The following SANBR variants were observed in gnomAD, a reference collection of about 807,000 sequenced individuals.
The protein encoded by SANBR is SANT and BTB domain regulator of class switch recombination.
Under a neutral mutation model 101.8 loss-of-function variants are expected in SANBR, and 77 were observed. That is an observed-to-expected ratio of 0.76 (90% CI 0.63 to 0.91). SANBR has a LOEUF of 0.91. Ranked by LOEUF, SANBR falls within the 40% of genes least tolerant of loss-of-function variation. The pLI, the probability that SANBR is intolerant of heterozygous loss-of-function variation, is 0.00. For missense variants in SANBR, 875 were observed against 853.0 expected, an observed-to-expected ratio of 1.03 and a Z score of -0.32; for synonymous variants, 279 against 274.7, an observed-to-expected ratio of 1.02 and a Z score of -0.15.
intron 11 of SANBR, among the ~76,000 whole-genome samples, chr2:61,096,518 A>G (rs1419922636): frequency 6.6e-6 from 1 of 152,150 alleles, no homozygotes; most frequent in Non-Finnish European, 1.5e-5. Flanking sequence ...GGTCTTCCCC[A>G]TCGCAAGCAG....
chr2:61,092,887 A>C (rs1307867859), intron 11 of SANBR, among the ~76,000 whole-genome samples: 1 of 152,052 alleles, frequency 6.6e-6, no homozygotes, highest in Non-Finnish European at 1.5e-5. Flanking sequence ...TAATTCCAGC[A>C]CTTTGGGAGG....
chr2:61,136,554 G>A (rs184986616), intron 21 of SANBR, among the ~76,000 whole-genome samples: 15 of 151,998 alleles, frequency 9.9e-5, no homozygotes, highest in African/African-American at 1.9e-4. Context: ...ACTTGAACCC[G>A]GGAGGCAGAG....
At chr2:61,098,794 C>A (rs1683155451) in intron 12 of SANBR, among the ~76,000 whole-genome samples, 1 of 152,156 alleles carries the variant, frequency 6.6e-6, no homozygotes, top group African/African-American at 2.4e-5. Flanking sequence ...CAAAGATGTG[C>A]TATACACTGT....
intron 16 of SANBR, among the ~76,000 whole-genome samples, chr2:61,109,677 G>GTTTTTTT (rs1363427197): frequency 7.3e-5 from 8 of 109,492 alleles, no homozygotes; most frequent in African/African-American, 1.0e-4. Flanking sequence ...TTTTTTTTGT[G>GTTTTTTT]TTTGTTTTTT....
At chr2:61,073,413 A>G in intron 4 of SANBR, 45 bp from the exon 5 acceptor site, 1 of 960,120 alleles carries the variant, frequency 1.0e-6, no homozygotes, top group Non-Finnish European at 1.6e-6. Flanking sequence ...AGAAACACTA[A>G]CCCCCACCTT....
chr2:61,074,937 C>G (rs574738733), intron 5 of SANBR: 16 of 150,728 alleles, frequency 1.1e-4, no homozygotes, highest in African/African-American at 3.4e-4. Flanking sequence ...GATTATAATC[C>G]TTTTTCTGGT....
chr2:61,131,486 AGAAAACATTCT>A lies in SANBR; in HGVS notation c.2029-2640_2029-2630del, dbSNP rs1418817272. Among the ~76,000 whole-genome samples, 3 of 152,292 alleles carry A rather than the reference AGAAAACATTCT, an allele frequency of 2.0e-5. No individual in the cohort carries two copies. The East Asian group carries it at 5.8e-4, about 29-fold the overall frequency. On this transcript the variant is annotated intron_variant, in intron 20 of 21. Transcript: ENST00000295031. ...TAATGATAAATTTAACAAAAGAAAC[AGAAAACATTCT>A]GAAAACATTCAAATAAAATATTGTT...
At position 61,112,106 on chromosome 2, in the gene SANBR, C is replaced by T. The variant is rs138536265; in HGVS notation, c.1744+2810C>T. On this transcript the variant is annotated intron_variant, in intron 16 of 21. Coordinates refer to ENST00000402291, the MANE Select transcript of SANBR (RefSeq NM_001129993.3). ...GATCATATGGTAAGTGTATGTTTCA[C>T]TTTATAAGAAACTGCCAAATTGTTT... Among the ~76,000 whole-genome samples, 260 of 152,224 alleles carry T rather than the reference C, an allele frequency of 1.7e-3. 1 individual carries two copies. Among genetic ancestry groups the T allele is most frequent in the African/African-American group, 6.2e-3 (256 of 41,524 alleles).
At chr2:61,071,549 CAAAA>C (rs200693095) in intron 3 of SANBR, 53 bp from the exon 4 acceptor site, 178 of 943,134 alleles carry the variant, frequency 1.9e-4, no homozygotes, top group South Asian at 2.2e-4. Context: ...GACTCCGTCT[CAAAA>C]AAAAAAAAAA....
At chr2:61,129,213 G>A (rs577904178), downstream of SANBR, among the ~76,000 whole-genome samples, 1 of 152,250 alleles carries the variant, frequency 6.6e-6, no homozygotes. Flanking sequence ...GGAAGCCAAG[G>A]CAGGTGGGTC....
At position 61,086,222 on chromosome 2, in the gene SANBR, G is replaced by A. The variant is rs558888563; in HGVS notation, c.891-1937G>A. On this transcript the variant is annotated intron_variant, in intron 8 of 21. Coordinates refer to ENST00000402291, the MANE Select transcript of SANBR (RefSeq NM_001129993.3). ...TCAGTCACCCAAGCTGGAGGGTAGT[G>A]GTACAGCCATGGCTTACTGCGGCCT... 5.3e-5 allele frequency among the ~76,000 whole-genome samples: 8 copies of A among 151,984 alleles called. No homozygotes were observed. In the South Asian group the frequency reaches 1.7e-3, roughly 32 times the overall value.
chr2:61,123,577 A>C lies in SANBR; in HGVS notation c.*1415A>C. On this transcript the variant is annotated 3_prime_UTR_variant, in exon 22 of 22. Transcript: ENST00000402291. ...CATATTATATGTAAGTACTCTGTTA[A>C]ATACCAGAGTTTTTTTTGTAGTTTA... 1.0e-6 allele frequency: 1 copy of C among 967,986 alleles called. No individual in the cohort carries two copies. Among genetic ancestry groups the C allele is most frequent in the East Asian group, 1.1e-4 (1 of 8,872 alleles). The allele number at this position is 967,986 out of a possible 1,614,324, so 60.0% of individuals were successfully genotyped here. A position where few individuals can be genotyped will look rare whatever the true frequency, so the allele number is the denominator to read the frequency against.
chr2:61,079,683 A>G (rs1032495387), intron 6 of SANBR, among the ~76,000 whole-genome samples: 2 of 152,200 alleles, frequency 1.3e-5, no homozygotes, highest in African/African-American at 2.4e-5. Context: ...TTATGTGTGT[A>G]GTAAAGGTAA....
chr2:61,088,560 C>A (rs1409849440), intron 10 of SANBR, 92 bp downstream of exon 10: 1 of 841,746 alleles, frequency 1.2e-6, no homozygotes, highest in Non-Finnish European at 1.7e-6. Context: ...TACTCTGTCA[C>A]CCAGGCTGGC....
In SANBR at chr2:61,108,333, A is replaced by C. The variant is rs1454227764; in HGVS notation, c.1628A>C (p.Asn543Thr). The change falls in exon 15 of 22, where the codon AAC becomes ACC. Residue 543 changes from asparagine (N) to threonine (T), a missense_variant. Physicochemically the swap from Asn to Thr is moderately conservative, Grantham distance 65. Coordinates refer to ENST00000402291, the MANE Select transcript of SANBR (RefSeq NM_001129993.3). ...GTCTTGTAGTTCTTGTCATTGAAAA[A>C]CTGGACTCTACAACTGGTAAGTGAG... ...GELNAFLSLKNWTLQLKQQSL... is the reference protein window; with the variant it reads ...GELNAFLSLKTWTLQLKQQSL... 3.8e-6 allele frequency: 6 copies of C among 1,575,392 alleles called. No homozygotes were observed. The highest frequency in any genetic ancestry group is 5.2e-6 in the Non-Finnish European group (6 of 1,157,204).
rs186347234 is a variant in SANBR at position 61,122,679 on chromosome 2, C to T, written c.*517C>T. Reference sequence around the variant, plus strand: ...TAAGGAGTGACAGGTCTCAAGACTGCATTAAATGAAGTTTCAGGGTAAGGT... The same window carrying T: ...TAAGGAGTGACAGGTCTCAAGACTGTATTAAATGAAGTTTCAGGGTAAGGT... On this transcript the variant is annotated 3_prime_UTR_variant, in exon 22 of 22. Transcript: ENST00000402291. The T allele has an allele frequency of 2.7e-4, 268 of 985,814 alleles. No homozygotes were observed. The highest frequency in any genetic ancestry group is 3.1e-4 in the Non-Finnish European group (261 of 830,184). 61.1% of individuals were successfully genotyped at this position (985,814 alleles called of 1,614,324 possible).
chr2:61,117,324 A>C, intron 17 of SANBR, 33 bp from the exon 18 acceptor site: 3 of 1,598,744 alleles, frequency 1.9e-6, no homozygotes, highest in Non-Finnish European at 2.6e-6. Flanking sequence ...AACATGTTCT[A>C]ATTGGGCCTT....
chr2:61,133,877 A>G (rs1037604957), intron 20 of SANBR, among the ~76,000 whole-genome samples: 1 of 152,234 alleles, frequency 6.6e-6, no homozygotes, highest in African/African-American at 2.4e-5. Context: ...TAATGGTTGC[A>G]TAAGTCTGAG....
chr2:61,076,780 A>T (rs1681808128), intron 5 of SANBR, 140 bp from the exon 6 acceptor site: 1 of 634,888 alleles, frequency 1.6e-6, no homozygotes, highest in Non-Finnish European at 2.8e-6. Flanking sequence ...ACACTTGAAA[A>T]ATGTCAAGAC....
Sources: gnomAD v4.1 joint callset for allele counts (sites outside exome capture counted in the v4.1 genomes callset) on GRCh38, gnomAD v4.1.1 for gene constraint, MANE v1.5 for transcripts, NCBI Gene and HGNC (gene_info 2026-07-23, HGNC 2026-07-21) for gene names.